Variants in NLGN1 observed in about 807,000 individuals in gnomAD.
The protein encoded by NLGN1 is neuroligin-1.
Under a neutral mutation model 65.5 loss-of-function variants are expected in NLGN1, and 12 were observed. That is an observed-to-expected ratio of 0.18 (90% CI 0.12 to 0.30). The LOEUF is 0.30. Ranked by LOEUF, NLGN1 falls within the 10% of genes least tolerant of loss-of-function variation. The pLI is 1.00. For missense variants in NLGN1, 750 were observed against 1,007.1 expected (o/e 0.74, Z 3.46); for synonymous variants, 350 against 359.5 (o/e 0.97, Z 0.30).
chr3:174,222,542 A>G (rs1233218830), intron 4 of NLGN1, among the ~76,000 whole-genome samples: 1 of 152,160 alleles, frequency 6.6e-6, no homozygotes, highest in East Asian at 1.9e-4. Flanking sequence ...TTATTTCACA[A>G]TCAACATGGT....
intron 4 of NLGN1, among the ~76,000 whole-genome samples, chr3:174,177,223 A>T (rs1483318044): frequency 6.6e-6 from 1 of 152,082 alleles, no homozygotes; most frequent in African/African-American, 2.4e-5. Flanking sequence ...TTTTGAAAAG[A>T]TATATGGTAA....
chr3:174,018,664 A>G (rs991271324), intron 4 of NLGN1, among the ~76,000 whole-genome samples: 1 of 152,150 alleles, frequency 6.6e-6, no homozygotes, highest in Non-Finnish European at 1.5e-5. Flanking sequence ...ACTTTCCTTT[A>G]GAAGACATCA....
chr3:173,617,328 A>G (rs1351139109), intron 3 of NLGN1, among the ~76,000 whole-genome samples: 1 of 152,200 alleles, frequency 6.6e-6, no homozygotes, highest in Non-Finnish European at 1.5e-5. Flanking sequence ...GCCCCAGAAG[A>G]ACGTTTCTCT....
At chr3:173,757,972 A>C (rs771825240) in intron 3 of NLGN1, among the ~76,000 whole-genome samples, 1 of 152,006 alleles carries the variant, frequency 6.6e-6, no homozygotes, top group Non-Finnish European at 1.5e-5. Flanking sequence ...CCCCTCCCCA[A>C]ATTCAGATAT....
chr3:173,915,078 G>A (rs911368281), intron 4 of NLGN1: 2 of 152,280 alleles, frequency 1.3e-5, no homozygotes, highest in Admixed American at 6.5e-5. Context: ...AGATTAGCTG[G>A]TTGGAGCAAC....
At chr3:173,813,084 A>C (rs930035968) in intron 4 of NLGN1, among the ~76,000 whole-genome samples, 4 of 151,908 alleles carry the variant, frequency 2.6e-5, no homozygotes, top group Non-Finnish European at 4.4e-5. Context: ...AGAATATCTG[A>C]TGGATTAGTA....
chr3:173,521,903 GT>G (rs1734818561), intron 2 of NLGN1, among the ~76,000 whole-genome samples: 1 of 152,070 alleles, frequency 6.6e-6, no homozygotes, highest in Non-Finnish European at 1.5e-5. Flanking sequence ...AATTCTACTT[GT>G]TTTTCAATAC....
intron 4 of NLGN1, among the ~76,000 whole-genome samples, chr3:174,173,757 A>T (rs1261206054): frequency 6.6e-6 from 1 of 151,640 alleles, no homozygotes; most frequent in African/African-American, 2.4e-5. Context: ...TTTAATCAGC[A>T]AAATTAATTA....
intron 2 of NLGN1, among the ~76,000 whole-genome samples, chr3:173,474,378 C>T (rs1000178210): frequency 1.3e-5 from 2 of 152,192 alleles, no homozygotes; most frequent in African/African-American, 4.8e-5. Flanking sequence ...TTCTGTGAAG[C>T]GTTGCATCTT....
chr3:173,833,712 T>C (rs1356074881), intron 4 of NLGN1, among the ~76,000 whole-genome samples: 3 of 152,014 alleles, frequency 2.0e-5, no homozygotes, highest in Non-Finnish European at 4.4e-5. Flanking sequence ...GAGATGGAGT[T>C]TTGCCATGTT....
intron 4 of NLGN1, among the ~76,000 whole-genome samples, chr3:174,274,134 C>T (rs1289951852): frequency 1.3e-5 from 2 of 151,034 alleles, no homozygotes; most frequent in African/African-American, 2.4e-5. Flanking sequence ...AAATTATATC[C>T]CTTAATATAA....
chr3:174,234,311 G>T (rs531851940), intron 4 of NLGN1, among the ~76,000 whole-genome samples: 1 of 152,038 alleles, frequency 6.6e-6, no homozygotes, highest in Non-Finnish European at 1.5e-5. Flanking sequence ...TTTACGTGTC[G>T]GCATGCTTTT....
At chr3:173,859,214 A>T (rs1167583514) in intron 4 of NLGN1, among the ~76,000 whole-genome samples, 1 of 152,132 alleles carries the variant, frequency 6.6e-6, no homozygotes, top group South Asian at 2.1e-4. Flanking sequence ...TTTGACAGTA[A>T]AAGAATGAAG....
intron 3 of NLGN1, among the ~76,000 whole-genome samples, chr3:173,643,467 G>A (rs1757729106): frequency 1.3e-5 from 2 of 152,158 alleles, no homozygotes; most frequent in African/African-American, 4.8e-5. Context: ...GAAGATAATA[G>A]CAGCAGAATT....
At chr3:174,056,231 A>G (rs1304909503) in intron 4 of NLGN1, among the ~76,000 whole-genome samples, 1 of 151,866 alleles carries the variant, frequency 6.6e-6, no homozygotes, top group Non-Finnish European at 1.5e-5. Context: ...CATTTTTTAT[A>G]TTTTGCCGTG....
intron 2 of NLGN1, among the ~76,000 whole-genome samples, chr3:173,444,764 A>G (rs992013815): frequency 6.6e-6 from 1 of 151,918 alleles, no homozygotes; most frequent in South Asian, 2.1e-4. Flanking sequence ...ATGTGTGTGT[A>G]TATACATGTG....
intron 2 of NLGN1, among the ~76,000 whole-genome samples, chr3:173,457,056 C>T (rs145232541): frequency 1.1e-4 from 17 of 152,034 alleles, no homozygotes; most frequent in South Asian, 1.0e-3. Context: ...AACATCCAAT[C>T]GGAATTCATG....
At chr3:173,744,377 G>A (rs894624439) in intron 3 of NLGN1, among the ~76,000 whole-genome samples, 5 of 152,050 alleles carry the variant, frequency 3.3e-5, no homozygotes, top group African/African-American at 1.2e-4. Context: ...ATAAGTAAAA[G>A]CAGATGCACT....
At chr3:173,817,342 C>T (rs1719236633) in intron 4 of NLGN1, among the ~76,000 whole-genome samples, 4 of 152,156 alleles carry the variant, frequency 2.6e-5, no homozygotes, top group Admixed American at 2.6e-4. Flanking sequence ...ATGATTAGAT[C>T]TGCATTTAAA....
Sources: allele counts gnomAD v4.1 joint callset (sites outside exome capture counted in the v4.1 genomes callset), GRCh38; gene constraint gnomAD v4.1.1; transcripts MANE v1.5; gene names NCBI Gene and HGNC (gene_info 2026-07-23, HGNC 2026-07-21).